The following B4GALT6 variants were observed in gnomAD, a reference collection of about 807,000 sequenced individuals.
B4GALT6 encodes the protein UDP-Gal:beta-GlcNAc beta-1,4-galactosyltransferase 6.
Under a neutral mutation model 46.3 loss-of-function variants are expected in B4GALT6, and 14 were observed. The observed-to-expected ratio is 0.30, with a 90% CI of 0.20 to 0.47. The LOEUF (loss-of-function observed/expected upper bound fraction) is 0.47, where lower values mean the gene tolerates loss of function less well. Among genes scored for constraint, B4GALT6 ranks in the 20% least tolerant of loss-of-function variants. The pLI, the probability that B4GALT6 is intolerant of heterozygous loss-of-function variation, is 0.99. For missense variants in B4GALT6, 386 were observed against 480.1 expected (o/e 0.80, Z 1.83); for synonymous variants, 168 against 162.0 (o/e 1.04, Z -0.28).
intron 3 of B4GALT6, among the ~76,000 whole-genome samples, chr18:31,649,948 A>C (rs2074044518): frequency 6.6e-6 from 1 of 152,238 alleles, no homozygotes; most frequent in South Asian, 2.1e-4. Context: ...CCAAAAAGGC[A>C]CATGCACTAT....
chr18:31,661,316 G>A (rs2074212989), intron 2 of B4GALT6, among the ~76,000 whole-genome samples: 1 of 152,152 alleles, frequency 6.6e-6, no homozygotes. Context: ...TCAAGAGACA[G>A]CAGGATAGAA....
At chr18:31,721,860 T>TTCTCTC in the B4GALT6 span, among the ~76,000 whole-genome samples, 4 of 151,276 alleles carry the variant, frequency 2.6e-5, no homozygotes, top group African/African-American at 9.7e-5. Flanking sequence ...TTCTCTTTCT[T>TTCTCTC]TCTCTCTCTC....
chr18:31,723,258 T>C, the B4GALT6 span, among the ~76,000 whole-genome samples: 3 of 152,306 alleles, frequency 2.0e-5, no homozygotes, highest in Non-Finnish European at 4.4e-5. Context: ...CATTATCCCA[T>C]GAAATCCTCA....
At chr18:31,710,641 A>G in the B4GALT6 span, among the ~76,000 whole-genome samples, 1 of 152,090 alleles carries the variant, frequency 6.6e-6, no homozygotes, top group African/African-American at 2.4e-5. Flanking sequence ...CAACCTGCAG[A>G]CACCTTGATT....
chr18:31,650,183 T>C (rs2074046990), intron 3 of B4GALT6, among the ~76,000 whole-genome samples: 1 of 152,212 alleles, frequency 6.6e-6, no homozygotes, highest in Non-Finnish European at 1.5e-5. Context: ...CACACTGGCC[T>C]CTGTATAAAG....
the B4GALT6 span, among the ~76,000 whole-genome samples, chr18:31,721,354 G>T: frequency 3.9e-5 from 6 of 152,080 alleles, no homozygotes; most frequent in South Asian, 2.1e-4. Flanking sequence ...AACAAAAGTG[G>T]ATGTCAGCAA....
At chr18:31,721,880 C>G in the B4GALT6 span, among the ~76,000 whole-genome samples, 58 of 151,308 alleles carry the variant, frequency 3.8e-4, no homozygotes, top group South Asian at 1.0e-3. Context: ...CTCTCTCTCT[C>G]TGTGTGTGTA....
intron 3 of B4GALT6, among the ~76,000 whole-genome samples, chr18:31,655,495 A>G (rs2074127324): frequency 6.6e-6 from 1 of 152,224 alleles, no homozygotes; most frequent in Middle Eastern, 3.2e-3. Flanking sequence ...GGCAGTGCAC[A>G]GCAGCCACGC....
At chr18:31,722,240 T>C in the B4GALT6 span, among the ~76,000 whole-genome samples, 2 of 152,176 alleles carry the variant, frequency 1.3e-5, no homozygotes, top group Non-Finnish European at 1.5e-5. Flanking sequence ...ATTGAGTATA[T>C]GGATACTACC....
chr18:31,699,636 GAAA>G, the B4GALT6 span, among the ~76,000 whole-genome samples: 35 of 104,112 alleles, frequency 3.4e-4, no homozygotes, highest in African/African-American at 9.3e-4. Flanking sequence ...TCTCTTCCTG[GAAA>G]AAAAAAAAAA....
At chr18:31,643,236 G>C (rs2073952429) in intron 4 of B4GALT6, among the ~76,000 whole-genome samples, 1 of 152,168 alleles carries the variant, frequency 6.6e-6, no homozygotes, top group South Asian at 2.1e-4. Flanking sequence ...TTCTGAACTA[G>C]AGACTACATT....
chr18:31,684,439 T>C lies in B4GALT6; in HGVS notation c.-13A>G. ...TGAGCACAGACATCTTCCTCTTCCC[T>C]GCCAGCAGCCCAGGCTGCGCTCTCA... On this transcript the variant is annotated 5_prime_UTR_variant, in exon 1 of 9. Transcript: ENST00000306851. The C allele has an allele frequency of 5.0e-6, 8 of 1,612,242 alleles. No homozygotes were observed. Among genetic ancestry groups the C allele is most frequent in the African/African-American group, 1.3e-5 (1 of 74,956 alleles).
chr18:31,682,666 A>G (rs1057037745), intron 1 of B4GALT6, among the ~76,000 whole-genome samples: 1 of 152,230 alleles, frequency 6.6e-6, no homozygotes, highest in Admixed American at 6.5e-5. Context: ...TTTGAGTAAT[A>G]TAACTTTAAC....
At chr18:31,716,025 G>C in the B4GALT6 span, among the ~76,000 whole-genome samples, 1 of 152,054 alleles carries the variant, frequency 6.6e-6, no homozygotes, top group South Asian at 2.1e-4. Flanking sequence ...AAAATTTTCA[G>C]GTAAAACTCT....
the B4GALT6 span, among the ~76,000 whole-genome samples, chr18:31,721,286 G>A: frequency 6.6e-6 from 1 of 152,058 alleles, no homozygotes; most frequent in South Asian, 2.1e-4. Context: ...GTATACCTAT[G>A]CATCAAACCT....
At chr18:31,655,800 C>T (rs911966386) in intron 3 of B4GALT6, among the ~76,000 whole-genome samples, 3 of 152,072 alleles carry the variant, frequency 2.0e-5, no homozygotes, top group Non-Finnish European at 2.9e-5. Context: ...TTTAGGAAAA[C>T]AAGGCTGCAA....
the B4GALT6 span, among the ~76,000 whole-genome samples, chr18:31,700,531 A>G: frequency 6.6e-6 from 1 of 151,482 alleles, no homozygotes; most frequent in African/African-American, 2.4e-5. Context: ...ATCTCAGCTC[A>G]CTGCAAGCTC....
chr18:31,689,328 G>T (rs915751813), upstream of B4GALT6, among the ~76,000 whole-genome samples: 4 of 152,160 alleles, frequency 2.6e-5, no homozygotes, highest in Non-Finnish European at 5.9e-5. Flanking sequence ...AACTATGGGG[G>T]TGGAAGGTGG....
At chr18:31,665,985 G>A (rs370964935) in intron 2 of B4GALT6, among the ~76,000 whole-genome samples, 122 of 152,242 alleles carry the variant, frequency 8.0e-4, no homozygotes, top group African/African-American at 2.7e-3. Flanking sequence ...TACAACATAC[G>A]AATTGAAAAA....
Sources: allele counts gnomAD v4.1 joint callset (sites outside exome capture counted in the v4.1 genomes callset), GRCh38; gene constraint gnomAD v4.1.1; transcripts MANE v1.5; gene names NCBI Gene and HGNC (gene_info 2026-07-23, HGNC 2026-07-21).